The following UBE2E2 variants were observed in gnomAD, a reference collection of about 807,000 sequenced individuals.
UBE2E2 encodes the protein ubiquitin conjugating enzyme E2 E2.
Under a neutral mutation model 24.7 loss-of-function variants are expected in UBE2E2, and 6 were observed. The ratio of observed to expected loss-of-function variants is 0.24; its 90% CI spans 0.13 to 0.48. The LOEUF is 0.48. Among genes scored for constraint, UBE2E2 ranks in the 20% least tolerant of loss-of-function variants. The pLI is 0.99. For synonymous variants in UBE2E2, 104 were observed against 83.6 expected, an observed-to-expected ratio of 1.24 and a Z score of -1.33; for missense variants, 169 against 245.0, an observed-to-expected ratio of 0.69 and a Z score of 2.07.
At chr3:23,588,807 A>AT (rs1456352746) in intron 5 of UBE2E2, among the ~76,000 whole-genome samples, 2 of 152,158 alleles carry the variant, frequency 1.3e-5, no homozygotes, top group Non-Finnish European at 2.9e-5. Flanking sequence ...TGTCATTAAC[A>AT]TATTAGAGTT....
chr3:23,400,270 T>G (rs1230203697), intron 3 of UBE2E2, among the ~76,000 whole-genome samples: 1 of 152,202 alleles, frequency 6.6e-6, no homozygotes, highest in Non-Finnish European at 1.5e-5. Flanking sequence ...CTTACCAATT[T>G]CTTTGTCTAA....
intron 5 of UBE2E2, among the ~76,000 whole-genome samples, chr3:23,562,177 C>T (rs1458211187): frequency 6.6e-6 from 1 of 151,976 alleles, no homozygotes; most frequent in South Asian, 2.1e-4. Context: ...CCAGTTTTTG[C>T]CCATTCAGTA....
intron 3 of UBE2E2, among the ~76,000 whole-genome samples, chr3:23,349,944 C>T (rs1471432621): frequency 1.3e-5 from 2 of 152,244 alleles, no homozygotes; most frequent in Non-Finnish European, 2.9e-5. Context: ...AAGTGGGTCC[C>T]TGACCCCTGA....
At chr3:23,571,144 G>A (rs1196189212) in intron 5 of UBE2E2, among the ~76,000 whole-genome samples, 1 of 151,712 alleles carries the variant, frequency 6.6e-6, no homozygotes, top group African/African-American at 2.4e-5. Flanking sequence ...TTCTATGTTT[G>A]TTTTTAATAT....
At chr3:23,585,530 C>T (rs951732253) in intron 5 of UBE2E2, among the ~76,000 whole-genome samples, 2 of 152,110 alleles carry the variant, frequency 1.3e-5, no homozygotes, top group Non-Finnish European at 2.9e-5. Flanking sequence ...ACATGCCGTA[C>T]TGGTGTTTGG....
chr3:23,499,297 A>G (rs1699669324), intron 3 of UBE2E2, among the ~76,000 whole-genome samples: 1 of 152,202 alleles, frequency 6.6e-6, no homozygotes, highest in Non-Finnish European at 1.5e-5. Context: ...CTCTGACATC[A>G]CAAATAATTT....
chr3:23,535,056 T>C (rs893686840), intron 5 of UBE2E2, among the ~76,000 whole-genome samples: 8 of 152,240 alleles, frequency 5.3e-5, no homozygotes, highest in Non-Finnish European at 1.2e-4. Flanking sequence ...AGGGTATGAC[T>C]ACCCATCCTT....
At chr3:23,550,583 C>CA (rs1559418745) in intron 5 of UBE2E2, among the ~76,000 whole-genome samples, 2 of 152,166 alleles carry the variant, frequency 1.3e-5, no homozygotes, top group Non-Finnish European at 1.5e-5. Context: ...GAGTGAAACT[C>CA]AACTTTTTCA....
intron 3 of UBE2E2, among the ~76,000 whole-genome samples, chr3:23,484,684 T>C (rs1293374882): frequency 6.6e-6 from 1 of 152,222 alleles, no homozygotes; most frequent in Non-Finnish European, 1.5e-5. Context: ...AGAGGTATAA[T>C]GAACTCACAG....
chr3:23,501,713 A>T (rs1699724151), intron 4 of UBE2E2, among the ~76,000 whole-genome samples: 1 of 152,152 alleles, frequency 6.6e-6, no homozygotes, highest in Admixed American at 6.5e-5. Flanking sequence ...AGTTACCGGG[A>T]AGTAGATTTC....
At position 23,432,578 on chromosome 3, in the gene UBE2E2, A is replaced by G. The variant is rs75030185; in HGVS notation, c.228-67030A>G. On this transcript the variant is annotated intron_variant, in intron 3 of 5. Transcript: ENST00000396703. Reference sequence around the variant, plus strand: ...CTGTCAGTCTCTCCACAGCTCTACCATGTTCTTTTTCTCCTTACTTTCTCG... The same window carrying G: ...CTGTCAGTCTCTCCACAGCTCTACCGTGTTCTTTTTCTCCTTACTTTCTCG... Among the ~76,000 whole-genome samples, 236 of 152,026 alleles carry G rather than the reference A, an allele frequency of 1.6e-3. 6 individuals carry two copies. In the East Asian group the frequency reaches 0.041, roughly 26 times the overall value.
intron 3 of UBE2E2, among the ~76,000 whole-genome samples, chr3:23,236,023 A>G (rs1697097221): frequency 6.6e-6 from 1 of 152,170 alleles, no homozygotes; most frequent in South Asian, 2.1e-4. Context: ...GAATATAGAC[A>G]GACAGTAATA....
chr3:23,569,425 A>C (rs1223085370), intron 5 of UBE2E2, among the ~76,000 whole-genome samples: 1 of 152,208 alleles, frequency 6.6e-6, no homozygotes, highest in African/African-American at 2.4e-5. Context: ...CCAATCTGTG[A>C]ATATACTAAA....
chr3:23,234,029 A>G (rs967208611), intron 3 of UBE2E2, among the ~76,000 whole-genome samples: 4 of 152,000 alleles, frequency 2.6e-5, no homozygotes, highest in Admixed American at 6.6e-5. Context: ...TCCTTCTTCA[A>G]ATTATGTATT....
intron 3 of UBE2E2, among the ~76,000 whole-genome samples, chr3:23,484,061 A>G (rs553578218): frequency 6.6e-6 from 1 of 152,146 alleles, no homozygotes; most frequent in South Asian, 2.1e-4. Flanking sequence ...TACTTTTGCA[A>G]TTCTTTATTA....
chr3:23,203,536 C>G (rs1454094278), intron 1 of UBE2E2, 72 bp downstream of exon 1: 1 of 894,012 alleles, frequency 1.1e-6, no homozygotes, highest in African/African-American at 1.8e-5. Flanking sequence ...CTCCTCACTC[C>G]CCCGACCTCC....
rs148929613 is a variant in UBE2E2 at position 23,411,173 on chromosome 3, C to T, written c.228-88435C>T. On this transcript the variant is annotated intron_variant, in intron 3 of 5. Transcript: ENST00000396703. The stretch of plus-strand genomic sequence containing the variant: ...AAAAGCAGGATTCAGGCAGCATGCT[C>T]TTCCGCCTCAGTTGAGGCTGTGGGT... Among the ~76,000 whole-genome samples the T allele has an allele frequency of 1.8e-3, 273 of 152,302 alleles. 3 individuals carry two copies. Among genetic ancestry groups the T allele is most frequent in the African/African-American group, 6.2e-3 (259 of 41,556 alleles).
chr3:23,457,025 TAAG>T (rs370232429), intron 3 of UBE2E2, among the ~76,000 whole-genome samples: 3 of 152,316 alleles, frequency 2.0e-5, no homozygotes, highest in East Asian at 3.9e-4. Flanking sequence ...TTACTTGTAA[TAAG>T]AAGAATGCTG....
intron 4 of UBE2E2, among the ~76,000 whole-genome samples, chr3:23,502,528 G>C (rs752185150): frequency 2.0e-5 from 3 of 152,136 alleles, no homozygotes; most frequent in Non-Finnish European, 4.4e-5. Flanking sequence ...AAAGGTCAGA[G>C]GAATGATTCG....
Sources: allele counts gnomAD v4.1 joint callset (sites outside exome capture counted in the v4.1 genomes callset), GRCh38; gene constraint gnomAD v4.1.1; transcripts MANE v1.5; gene names NCBI Gene and HGNC (gene_info 2026-07-23, HGNC 2026-07-21).